Variants in ZNF142 observed in about 807,000 individuals in gnomAD.
The protein encoded by ZNF142 is zinc finger protein 142 (clone pHZ-49).
ZNF142 carries 96 observed loss-of-function variants against 132.1 expected under a neutral mutation model. The observed-to-expected ratio is 0.73, with a 90% CI of 0.62 to 0.86. The LOEUF is 0.86. Among genes scored for constraint, ZNF142 ranks in the 40% least tolerant of loss-of-function variants. ZNF142 has a pLI of 0.00. For synonymous variants in ZNF142, 842 were observed against 890.1 expected (o/e 0.95, Z 0.96); for missense variants, 2,163 against 2,336.2 (o/e 0.93, Z 1.53).
Position 218,643,669 on chromosome 2 carries a change from T to G in ZNF142, c.3447A>C (p.Pro1149=), listed in dbSNP as rs776760670. 1.3e-6 allele frequency: 2 copies of G among 1,552,878 alleles called. No homozygotes were observed. Among genetic ancestry groups the G allele is most frequent in the African/African-American group, 2.8e-5 (2 of 72,408 alleles). The part of the protein sequence containing the change: ...KDAPLELPRE[P]EETEEPLATV... ...TGGCAAGAGGCTCTTCTGTTTCTTC[T>G]GGCTCCCTGGGAAGCTCCAAAGGAG... is the stretch of plus-strand genomic sequence containing the variant. Residue 1149 remains proline (P), a synonymous_variant, in exon 9 of 11, where the codon CCA becomes CCC. Coordinates refer to ENST00000411696, the MANE Select transcript of ZNF142 (RefSeq NM_001379659.1).
At position 218,650,368 on chromosome 2, in the gene ZNF142, G is replaced by A. The variant is rs200776065; in HGVS notation, c.1039C>T (p.Arg347Trp). 455 of 1,614,056 alleles carry A rather than the reference G, an allele frequency of 2.8e-4. 1 individual carries two copies. Among genetic ancestry groups the A allele is most frequent in the Non-Finnish European group, 3.7e-4 (434 of 1,180,040 alleles). ...KAVDKGQGAQ[R>W]LEGDVVSGTE... ...CTCAGAATGTCATTACCTTCCAGCCGCTGAGCCCCTTGGCCTTTATCCACA... is the reference window on the plus strand; with the variant it reads ...CTCAGAATGTCATTACCTTCCAGCCACTGAGCCCCTTGGCCTTTATCCACA... The change falls in exon 6 of 11, where the codon CGG becomes TGG. Residue 347 changes from arginine to tryptophan, a missense_variant. Arg to Trp is a moderately radical substitution (Grantham distance 101). Coordinates refer to ENST00000411696, the MANE Select transcript of ZNF142 (RefSeq NM_001379659.1).
intron 6 of ZNF142, among the ~76,000 whole-genome samples, chr2:218,649,917 C>A (rs4672896): frequency 1 from 152,049 of 152,358 alleles, 75,871 homozygotes; most frequent in Middle Eastern, 1. Context: ...AAATACAACC[C>A]AATCTTTCTT....
intron 8 of ZNF142, 125 bp downstream of exon 8, chr2:218,646,046 C>T: frequency 7.4e-7 from 1 of 1,345,228 alleles, no homozygotes. Context: ...AGCCATTGCA[C>T]CCGGCCTTAG....
Position 218,637,125 on chromosome 2 carries a change from AC to A in ZNF142, c.*1213del. ...CACTGCACAGCACTCAAAGTCCCCCACTGGACTGCTTCCTCCTTAGCCCCAC... is the reference window on the plus strand; with the variant it reads ...CACTGCACAGCACTCAAAGTCCCCCATGGACTGCTTCCTCCTTAGCCCCAC... On this transcript the variant is annotated 3_prime_UTR_variant, in exon 11 of 11. Transcript: ENST00000411696. 3.1e-6 allele frequency: 1 copy of A among 321,770 alleles called. No homozygotes were observed. Among genetic ancestry groups the A allele is most frequent in the Non-Finnish European group, 6.1e-6 (1 of 163,218 alleles). 19.9% of individuals were successfully genotyped at this position (321,770 alleles called of 1,614,324 possible).
rs752461038 is a variant in ZNF142 at position 218,642,144 on chromosome 2, C to T, written c.4972G>A (p.Ala1658Thr). The T allele has an allele frequency of 2.5e-6, 4 of 1,614,066 alleles. No homozygotes were observed. Among genetic ancestry groups the T allele is most frequent in the Non-Finnish European group, 8.5e-7 (1 of 1,180,044 alleles). ...TTCTGTCGGTTCTTGGTGCTGTAAGCACAATCGGTGCACTTGTAGAGACGA... is the reference window on the plus strand; with the variant it reads ...TTCTGTCGGTTCTTGGTGCTGTAAGTACAATCGGTGCACTTGTAGAGACGA... ...GTRLYKCTDC[A>T]YSTKNRQKIT... The change falls in exon 9 of 11, where the codon GCT (alanine) becomes ACT (threonine). Residue 1658 changes from alanine (A) to threonine (T), a missense_variant. Transcript: ENST00000411696. The surrounding 1 kb of genome is among the most constrained non-coding windows in gnomAD (Gnocchi z 4.6).
At position 218,644,631 on chromosome 2, in the gene ZNF142, G is replaced by T; in HGVS notation, c.2485C>A (p.Pro829Thr). 1 of 1,614,220 alleles carries T rather than the reference G, an allele frequency of 6.2e-7. No homozygotes were observed. The highest frequency in any genetic ancestry group is 1.3e-5 in the African/African-American group (1 of 75,060). ...GGTCGGGCTGACAGCTGGTTTGAGGGCTCTGAATCTGGTGGGGGTGTTGGG... is the reference window on the plus strand; with the variant it reads ...GGTCGGGCTGACAGCTGGTTTGAGGTCTCTGAATCTGGTGGGGGTGTTGGG... ...QGPTPPPDSE[P>T]SNQLSARPEG... is the part of the protein sequence containing the mutation. Residue 829 changes from proline to threonine, a missense_variant, in exon 9 of 11, where the codon CCC becomes ACC. This residue lies in a region of ZNF142 where 749 missense variants were observed against 830.3 expected (regional missense o/e 0.90). Transcript: ENST00000411696. The surrounding 1 kb of genome is among the most constrained non-coding windows in gnomAD (Gnocchi z 4.6).
intron 4 of ZNF142, among the ~76,000 whole-genome samples, chr2:218,655,947 G>T (rs1047410208): frequency 6.6e-6 from 1 of 152,204 alleles, no homozygotes; most frequent in Admixed American, 6.5e-5. Flanking sequence ...AGGACAGACT[G>T]CCAAAAGCTT....
Position 218,643,604 on chromosome 2 carries a change from A to G in ZNF142, c.3512T>C (p.Leu1171Ser), listed in dbSNP as rs866768571. ...GTGCTTCTTAGGGGCCTCTGTGGGCAAGGAGTTTCCTGCAGGAGGGACTGG... is the reference window on the plus strand; with the variant it reads ...GTGCTTCTTAGGGGCCTCTGTGGGCGAGGAGTTTCCTGCAGGAGGGACTGG... ...GSPVPPAGNS[L>S]PTEAPKKHCF... The change falls in exon 9 of 11, where the codon TTG becomes TCG. Residue 1171 changes from leucine to serine, a missense_variant. Leu to Ser is a moderately radical substitution (Grantham distance 145). This residue lies in a region of ZNF142 where 809 missense variants were observed against 801.7 expected (regional missense o/e 1.01). Transcript: ENST00000411696. The G allele has an allele frequency of 3.8e-6, 6 of 1,563,534 alleles. No individual in the cohort carries two copies. Among genetic ancestry groups the G allele is most frequent in the Non-Finnish European group, 5.2e-6 (6 of 1,156,310 alleles).
At position 218,636,568 on chromosome 2, in the gene ZNF142, T is replaced by G. The variant is rs1696769334; in HGVS notation, c.*1771A>C. ...GCATCCAGGAAGGCCTGGAGGGGGA[T>G]GAGTCCTGAGGTGGGCATTTCACGG... On this transcript the variant is annotated 3_prime_UTR_variant, in exon 11 of 11. Transcript: ENST00000411696. The G allele has an allele frequency of 1.9e-6, 3 of 1,613,962 alleles. No individual in the cohort carries two copies. Among genetic ancestry groups the G allele is most frequent in the Non-Finnish European group, 2.5e-6 (3 of 1,179,858 alleles).
chr2:218,642,506 C>T lies in ZNF142; in HGVS notation c.4610G>A (p.Cys1537Tyr), dbSNP rs1326126303. The part of the protein sequence containing the change: ...PLHCSRCGLL[C>Y]PSPASLRGHT... The stretch of plus-strand genomic sequence containing the variant: ...TCCTCGTAAGCTGGCAGGGCTGGGG[C>T]ACAGCAACCCACAGCGGGAACAGTG... The change falls in exon 9 of 11, where the codon TGC becomes TAC. Residue 1537 changes from cysteine (C) to tyrosine (Y), a missense_variant. Physicochemically the swap from Cys to Tyr is radical, Grantham distance 194. Around this residue, in one of 7 missense-constraint regions of ZNF142, gnomAD observed 809 missense variants for 801.7 expected, o/e 1.01. Transcript: ENST00000411696. This position sits in a 1 kb window ranked among gnomAD's most constrained non-coding sequence, Gnocchi z 4.6. 17 of 1,606,646 alleles carry T rather than the reference C, an allele frequency of 1.1e-5. No homozygotes were observed. The highest frequency in any genetic ancestry group is 1.4e-5 in the Non-Finnish European group (16 of 1,175,584).
At position 218,637,984 on chromosome 2, in the gene ZNF142, G is replaced by C. The variant is rs966039551; in HGVS notation, c.*355C>G. The C allele has an allele frequency of 5.1e-6, 1 of 195,838 alleles. No homozygotes were observed. Among genetic ancestry groups the C allele is most frequent in the Non-Finnish European group, 1.0e-5 (1 of 97,580 alleles). The allele number at this position is 195,838 out of a possible 1,614,324, so 12.1% of individuals were successfully genotyped here. ...ATGCGGTTAGATACAACTGTTTTTA[G>C]AAGATTCTGAAAGAAAATAGGAATT... On this transcript the variant is annotated 3_prime_UTR_variant, in exon 11 of 11. Transcript: ENST00000411696.
rs769471264 is a variant in ZNF142, at chr2:218,649,475, CAG to C, written c.1049-18_1049-17del. The C allele has an allele frequency of 9.4e-4, 1,461 of 1,551,650 alleles. 13 individuals are homozygous for C. Among genetic ancestry groups the C allele is most frequent in the Non-Finnish European group, 1.3e-4 (147 of 1,147,544 alleles). On this transcript the variant is annotated splice_polypyrimidine_tract_variant and intron_variant, in intron 6 of 10. Transcript: ENST00000411696. ...ACCACATCCCCTGGGAAAGGGAATA[CAG>C]AGAGTTGAGAGAGTGAGATTTTTCT...
rs574298433 is a variant in ZNF142 at position 218,646,072 on chromosome 2, G to A, written c.2051+99C>T. The A allele has an allele frequency of 2.5e-5, 37 of 1,475,614 alleles. No homozygotes were observed. The African/African-American group carries it at 4.9e-4, about 19-fold the overall frequency. 91.4% of individuals were successfully genotyped at this position (1,475,614 alleles called of 1,614,324 possible). ...CCGGCCTTAGGAGGAGACTCTCCAG[G>A]GACCGGAGAAAGAAATAGGGCCAGA... is the stretch of plus-strand genomic sequence containing the variant. On this transcript the variant is annotated intron_variant, in intron 8 of 10. Transcript: ENST00000411696.
At position 218,643,695 on chromosome 2, in the gene ZNF142, C is replaced by T. The variant is rs1004893703; in HGVS notation, c.3421G>A (p.Ala1141Thr). ...GGCTCCCTGGGAAGCTCCAAAGGAG[C>T]ATCTTTTGGAAGCAGTAGCTCTGCT... The part of the protein sequence containing the change: ...QEAELLLPKD[A>T]PLELPREPEE... The change falls in exon 9 of 11, where the codon GCT becomes ACT. Residue 1141 changes from alanine (A) to threonine (T), a missense_variant. Physicochemically the swap from Ala to Thr is moderately conservative, Grantham distance 58 (BLOSUM62 0). Transcript: ENST00000411696. 4 of 1,579,392 alleles carry T rather than the reference C, an allele frequency of 2.5e-6. No individual in the cohort carries two copies. In the African/African-American group the frequency reaches 5.5e-5, roughly 22 times the overall value.
Position 218,636,086 on chromosome 2 carries a change from C to T in ZNF142, c.*2253G>A, listed in dbSNP as rs1430058274. On this transcript the variant is annotated 3_prime_UTR_variant, in exon 11 of 11. Transcript: ENST00000411696. ...AGAATCCTGGCTCTTCACTTAAAAGCTCCAGTGACCTGGGCAAATTACTTG... is the reference window on the plus strand; with the variant it reads ...AGAATCCTGGCTCTTCACTTAAAAGTTCCAGTGACCTGGGCAAATTACTTG... 2.0e-5 allele frequency among the ~76,000 whole-genome samples: 3 copies of T among 152,234 alleles called. No homozygotes were observed. Among genetic ancestry groups the T allele is most frequent in the African/African-American group, 4.8e-5 (2 of 41,462 alleles).
At chr2:218,656,495 A>AGTT (rs1938516814) in intron 3 of ZNF142, 32 bp from the exon 4 acceptor site, 2 of 1,412,646 alleles carry the variant, frequency 1.4e-6, no homozygotes, top group Non-Finnish European at 1.9e-6. Context: ...AAACAAAGTA[A>AGTT]GGTTAGAGTT....
rs1449520130 is a variant in ZNF142 at position 218,644,192 on chromosome 2, G to C, written c.2924C>G (p.Ala975Gly). The C allele has an allele frequency of 1.2e-6, 2 of 1,614,028 alleles. No individual in the cohort carries two copies. Among genetic ancestry groups the C allele is most frequent in the African/African-American group, 2.7e-5 (2 of 74,894 alleles). Residue 975 changes from alanine (A) to glycine (G), a missense_variant, in exon 9 of 11, where the codon GCT becomes GGT. Around this residue, in one of 7 missense-constraint regions of ZNF142, gnomAD observed 809 missense variants for 801.7 expected, o/e 1.01. Coordinates refer to ENST00000411696, the MANE Select transcript of ZNF142 (RefSeq NM_001379659.1). The surrounding 1 kb of genome is among the most constrained non-coding windows in gnomAD (Gnocchi z 4.6). ...GAAGGTTCCTACCCAGTTGTTAGGA[G>C]CCTCCTCTAAGGATGGAGGATTTGT... ...PSTNPPSLEE[A>G]PNNWVGTFKT...
At position 218,656,183 on chromosome 2, in the gene ZNF142, T is replaced by G. The variant is rs1559306925; in HGVS notation, c.247A>C (p.Thr83Pro). 2 of 1,607,026 alleles carry G rather than the reference T, an allele frequency of 1.2e-6. No individual in the cohort carries two copies. Among genetic ancestry groups the G allele is most frequent in the Non-Finnish European group, 1.7e-6 (2 of 1,175,574 alleles). ...MEIIVETVAG[T>P]LTPGAPGETP... ...TCTCCAGGAGCACCTGGGGTCAGGG[T>G]TCCAGCTACTGTCTCCACAATGATC... is the stretch of plus-strand genomic sequence containing the variant. The change falls in exon 4 of 11, where the codon ACC (threonine) becomes CCC (proline). Residue 83 changes from threonine to proline, a missense_variant. By Grantham distance (38) the Thr-to-Pro change is conservative. This residue lies in a region of ZNF142 where 195 missense variants were observed against 172.4 expected (regional missense o/e 1.13). Transcript: ENST00000411696.
In ZNF142 at chr2:218,644,096, A is replaced by C. The variant is rs1370033015; in HGVS notation, c.3020T>G (p.Leu1007Arg). The C allele has an allele frequency of 2.5e-6, 4 of 1,613,922 alleles. No homozygotes were observed. The highest frequency in any genetic ancestry group is 3.4e-6 in the Non-Finnish European group (4 of 1,180,004). The change falls in exon 9 of 11, where the codon CTA becomes CGA. Residue 1007 changes from leucine (L) to arginine (R), a missense_variant. By Grantham distance (102) the Leu-to-Arg change is moderately radical. Coordinates refer to ENST00000411696, the MANE Select transcript of ZNF142 (RefSeq NM_001379659.1). The surrounding 1 kb of genome is among the most constrained non-coding windows in gnomAD (Gnocchi z 4.6). ...LPESESLLKA[L>R]RRQDKEQAEA... ...TGCTTGTTCTTTGTCCTGTCTCCTT[A>C]GGGCCTTGAGTAATGACTCTGACTC...
Sources: allele counts gnomAD v4.1 joint callset (sites outside exome capture counted in the v4.1 genomes callset), GRCh38; gene constraint gnomAD v4.1.1; regional missense constraint gnomAD v4.1.1; non-coding constraint Gnocchi (gnomAD v3.1); transcripts MANE v1.5; gene names NCBI Gene and HGNC (gene_info 2026-07-23, HGNC 2026-07-21).